The following JAZF1 variants were observed in gnomAD, a reference collection of about 807,000 sequenced individuals.
JAZF1 encodes the protein JAZF zinc finger 1.
JAZF1 carries 8 observed loss-of-function variants against 26.4 expected under a neutral mutation model. The observed-to-expected ratio is 0.30, with a 90% confidence interval of 0.18 to 0.55. The LOEUF is 0.55. Among genes scored for constraint, JAZF1 ranks in the 20% least tolerant of loss-of-function variants. The pLI is 0.94. For missense variants in JAZF1, 199 were observed against 322.0 expected (o/e 0.62, Z 2.92); for synonymous variants, 126 against 122.3 (o/e 1.03, Z -0.20).
chr7:27,865,403 C>T (rs940414474), intron 3 of JAZF1, among the ~76,000 whole-genome samples: 1 of 152,100 alleles, frequency 6.6e-6, no homozygotes, highest in Non-Finnish European at 1.5e-5. Flanking sequence ...GAGATGTGTT[C>T]ATGAAGCTTT....
intron 2 of JAZF1, among the ~76,000 whole-genome samples, chr7:27,900,219 A>C (rs1784143386): frequency 1.3e-5 from 2 of 151,960 alleles, no homozygotes; most frequent in South Asian, 4.1e-4. Flanking sequence ...CTGGGTTGTG[A>C]AAGCTGACTT....
chr7:27,962,984 TC>T lies in JAZF1; in HGVS notation c.188+28924del, dbSNP rs1219317638. On this transcript the variant is annotated intron_variant, in intron 2 of 4. Coordinates refer to ENST00000283928, the MANE Select transcript of JAZF1 (RefSeq NM_175061.4). ...ACCCACTATCCCTCCTTTTAAAACT[TC>T]ACTGTGTGGGGTTAGCATTCACCTG... 2.6e-5 allele frequency among the ~76,000 whole-genome samples: 4 copies of T among 152,200 alleles called. No individual in the cohort carries two copies. The East Asian group carries it at 7.7e-4, about 29-fold the overall frequency.
In JAZF1 at chr7:27,840,579, G is replaced by A; in HGVS notation, c.555+119C>T. The A allele has an allele frequency of 9.6e-7, 1 of 1,037,412 alleles. No homozygotes were observed. Among genetic ancestry groups the A allele is most frequent in the Non-Finnish European group, 1.4e-6 (1 of 690,758 alleles). 64.3% of individuals were successfully genotyped at this position (1,037,412 alleles called of 1,614,324 possible). A position where few individuals can be genotyped will look rare whatever the true frequency, so the allele number is the denominator to read the frequency against. On this transcript the variant is annotated intron_variant, in intron 4 of 4. Transcript: ENST00000283928. The surrounding 1 kb of genome is among the most constrained non-coding windows in gnomAD (Gnocchi z 5.1). ...GAGGCCCACGCACTCTAATGCAGGA[G>A]AGGGGAGTGTCTCCCCCCAGCCCAT... is the stretch of plus-strand genomic sequence containing the variant.
intron 1 of JAZF1, among the ~76,000 whole-genome samples, chr7:28,152,858 A>G (rs1783130938): frequency 1.3e-5 from 2 of 152,242 alleles, no homozygotes; most frequent in East Asian, 3.8e-4. Context: ...AGTACAAGAA[A>G]GATACAGAGA....
chr7:28,123,382 T>C (rs748389527), intron 1 of JAZF1, among the ~76,000 whole-genome samples: 2 of 152,214 alleles, frequency 1.3e-5, no homozygotes, highest in Non-Finnish European at 2.9e-5. Context: ...CCTGCACTTA[T>C]CAGAGCTGTA....
At chr7:27,896,376 A>G (rs1784062971) in intron 2 of JAZF1, among the ~76,000 whole-genome samples, 2 of 152,200 alleles carry the variant, frequency 1.3e-5, no homozygotes, top group African/African-American at 2.4e-5. Flanking sequence ...TGTCAGCTGC[A>G]TTTTTGAAAA....
At position 28,052,607 on chromosome 7, in the gene JAZF1, AAAC is replaced by A. The variant is rs1783634025; in HGVS notation, c.116-60629_116-60627del. Among the ~76,000 whole-genome samples the A allele has an allele frequency of 4.6e-5, 7 of 152,222 alleles. No homozygotes were observed. The South Asian group carries it at 1.4e-3, about 32-fold the overall frequency. ...ATTCAACAAATTAAAACAAAGAAAC[AAAC>A]AACACCTCCAATCACTTCAGTTTCT... On this transcript the variant is annotated intron_variant, in intron 1 of 4. Transcript: ENST00000283928.
intron 2 of JAZF1, among the ~76,000 whole-genome samples, chr7:27,915,962 A>T (rs1784438752): frequency 6.6e-6 from 1 of 152,192 alleles, no homozygotes; most frequent in African/African-American, 2.4e-5. Flanking sequence ...ATTTCAGTTC[A>T]TATTTAGAAT....
intron 1 of JAZF1, among the ~76,000 whole-genome samples, chr7:28,162,635 A>G (rs1435579773): frequency 6.6e-6 from 1 of 152,244 alleles, no homozygotes; most frequent in Non-Finnish European, 1.5e-5. Context: ...GAATATTAGA[A>G]GGATATATTC....
At chr7:27,955,796 C>G (rs963969824) in intron 2 of JAZF1, among the ~76,000 whole-genome samples, 2 of 152,154 alleles carry the variant, frequency 1.3e-5, no homozygotes, top group Non-Finnish European at 2.9e-5. Context: ...GAAGCACTCC[C>G]TAAAGGGTGG....
intron 2 of JAZF1, among the ~76,000 whole-genome samples, chr7:27,914,353 T>C (rs533444082): frequency 9.5e-4 from 144 of 152,190 alleles, no homozygotes; most frequent in African/African-American, 3.4e-3. Context: ...GCACAAAAAA[T>C]TCTAAAGCCA....
chr7:28,071,004 G>A (rs1367007060), intron 1 of JAZF1, among the ~76,000 whole-genome samples: 1 of 152,090 alleles, frequency 6.6e-6, no homozygotes, highest in Non-Finnish European at 1.5e-5. Flanking sequence ...ATGGGAACAG[G>A]GCCATGACCA....
At chr7:27,928,085 G>A (rs1784628474) in intron 2 of JAZF1, among the ~76,000 whole-genome samples, 1 of 152,124 alleles carries the variant, frequency 6.6e-6, no homozygotes, top group African/African-American at 2.4e-5. Flanking sequence ...GTACTAAATT[G>A]TGCCAAATGG....
intron 1 of JAZF1, among the ~76,000 whole-genome samples, chr7:27,996,443 G>T (rs1786018331): frequency 6.6e-6 from 1 of 152,186 alleles, no homozygotes; most frequent in African/African-American, 2.4e-5. Flanking sequence ...TGGGTGGGAA[G>T]GTAGTAGGGG....
chr7:28,092,305 A>C (rs1446357413), intron 1 of JAZF1, among the ~76,000 whole-genome samples: 2 of 138,498 alleles, frequency 1.4e-5, no homozygotes, highest in African/African-American at 2.6e-5. Context: ...AAAAAAAAAA[A>C]AAAAAAAAAA....
chr7:28,126,810 CAAG>C (rs1183811655), intron 1 of JAZF1, among the ~76,000 whole-genome samples: 1 of 152,062 alleles, frequency 6.6e-6, no homozygotes, highest in Non-Finnish European at 1.5e-5. Context: ...GGAGTGAAAA[CAAG>C]AAGGGAGGAG....
intron 1 of JAZF1, among the ~76,000 whole-genome samples, chr7:28,074,545 G>A (rs1476888923): frequency 1.3e-5 from 2 of 152,124 alleles, no homozygotes; most frequent in Non-Finnish European, 2.9e-5. Flanking sequence ...AGTTTTTGTT[G>A]ATGAAATAAG....
chr7:28,007,604 G>T (rs920443718), intron 1 of JAZF1, among the ~76,000 whole-genome samples: 2 of 152,056 alleles, frequency 1.3e-5, no homozygotes, highest in African/African-American at 4.8e-5. Flanking sequence ...CACTAAGGTT[G>T]CTCTTGGGGC....
chr7:28,097,729 G>A (rs780790906), intron 1 of JAZF1, among the ~76,000 whole-genome samples: 24 of 152,120 alleles, frequency 1.6e-4, no homozygotes, highest in Non-Finnish European at 2.1e-4. Context: ...GGGAAGGTTC[G>A]GGGAGCTAAA....
Sources: allele counts gnomAD v4.1 joint callset (sites outside exome capture counted in the v4.1 genomes callset), GRCh38; gene constraint gnomAD v4.1.1; non-coding constraint Gnocchi (gnomAD v3.1); transcripts MANE v1.5; gene names NCBI Gene and HGNC (gene_info 2026-07-23, HGNC 2026-07-21).